Variants in PCDH15 observed in about 807,000 individuals in gnomAD.
PCDH15 encodes the protein protocadherin related 15.
Under a neutral mutation model 178.5 loss-of-function variants are expected in PCDH15, and 129 were observed. The observed-to-expected ratio is 0.72, with a 90% CI of 0.63 to 0.84. The LOEUF is 0.84. Ranked by LOEUF, PCDH15 falls within the 40% of genes least tolerant of loss-of-function variation. The probability of loss-of-function intolerance (pLI) is 0.00; values close to 1 mark genes in which losing one functional copy is unlikely to be tolerated. For synonymous variants in PCDH15, 800 were observed against 732.0 expected, an observed-to-expected ratio of 1.09 and a Z score of -1.50; for missense variants, 2,230 against 2,099.9, an observed-to-expected ratio of 1.06 and a Z score of -1.21.
At chr10:55,409,495 G>T (rs1234968768) in intron 2 of PCDH15, among the ~76,000 whole-genome samples, 3 of 151,750 alleles carry the variant, frequency 2.0e-5, no homozygotes, top group Non-Finnish European at 4.4e-5. Flanking sequence ...TACTTCAGTG[G>T]GCTTTTTTGT....
chr10:53,835,169 C>T (rs928385947), intron 29 of PCDH15, among the ~76,000 whole-genome samples: 2 of 152,028 alleles, frequency 1.3e-5, no homozygotes, highest in Non-Finnish European at 2.9e-5. Flanking sequence ...TTACTTAGAA[C>T]ATTGAAAGAG....
intron 1 of PCDH15, among the ~76,000 whole-genome samples, chr10:54,684,788 A>G (rs1314348392): frequency 2.1e-5 from 3 of 140,780 alleles, no homozygotes; most frequent in Admixed American, 1.4e-4. Context: ...TCCAGGTCAA[A>G]TCATTTGATA....
At position 55,238,336 on chromosome 10, in the gene PCDH15, G is replaced by C. The variant is rs1454396300; in HGVS notation, c.-155-71685C>G. Among the ~76,000 whole-genome samples the C allele has an allele frequency of 2.6e-5, 4 of 151,862 alleles. No homozygotes were observed. The East Asian group carries it at 7.8e-4, about 30-fold the overall frequency. On this transcript the variant is annotated intron_variant, in intron 1 of 5. Transcript: ENST00000458638. ...GGCTAATTTTCTTGTATTTTTAGTAGAGACGGGGTTTCACCATGTTAGCCA... is the reference window on the plus strand; with the variant it reads ...GGCTAATTTTCTTGTATTTTTAGTACAGACGGGGTTTCACCATGTTAGCCA...
chr10:55,089,319 T>C (rs1842257284), intron 2 of PCDH15, among the ~76,000 whole-genome samples: 2 of 152,176 alleles, frequency 1.3e-5, no homozygotes, highest in South Asian at 4.1e-4. Context: ...TCAACCCTTG[T>C]TATCATCTTG....
chr10:55,329,645 A>G (rs1272509626), intron 2 of PCDH15, among the ~76,000 whole-genome samples: 1 of 151,884 alleles, frequency 6.6e-6, no homozygotes, highest in African/African-American at 2.4e-5. Context: ...TTGTTTACCC[A>G]GTCTTATTAT....
At chr10:54,099,717 C>T (rs4935101) in intron 15 of PCDH15, among the ~76,000 whole-genome samples, 88,101 of 151,198 alleles carry the variant, frequency 0.58, 26,395 homozygotes, top group Middle Eastern at 0.67. Flanking sequence ...CCATTATAAA[C>T]AATATATGTA....
intron 2 of PCDH15, among the ~76,000 whole-genome samples, chr10:55,541,566 A>G (rs1311446996): frequency 6.6e-6 from 1 of 151,852 alleles, no homozygotes; most frequent in Non-Finnish European, 1.5e-5. Context: ...TTTAATTTAT[A>G]TTATTCTTTA....
chr10:54,132,148 T>G (rs905207438), intron 15 of PCDH15, among the ~76,000 whole-genome samples: 1 of 152,132 alleles, frequency 6.6e-6, no homozygotes, highest in African/African-American at 2.4e-5. Context: ...CGTCATCTTA[T>G]GATTCTTATG....
At chr10:54,570,429 T>A (rs1001039570) in intron 2 of PCDH15, among the ~76,000 whole-genome samples, 2 of 152,188 alleles carry the variant, frequency 1.3e-5, no homozygotes, top group Non-Finnish European at 2.9e-5. Context: ...ATTGAGAGAA[T>A]TGCTATGTTT....
intron 17 of PCDH15, among the ~76,000 whole-genome samples, chr10:54,071,786 TATC>T (rs1402359854): frequency 1.3e-5 from 2 of 152,134 alleles, no homozygotes; most frequent in African/African-American, 4.8e-5. Flanking sequence ...ATGGAGCACT[TATC>T]ATTTATCTAT....
chr10:54,108,218 A>G (rs916927879), intron 15 of PCDH15, among the ~76,000 whole-genome samples: 1 of 152,178 alleles, frequency 6.6e-6, no homozygotes. Flanking sequence ...TATCACTGAA[A>G]GAGTCACTGA....
At chr10:54,671,831 G>A (rs554521744) in intron 1 of PCDH15, among the ~76,000 whole-genome samples, 74 of 152,178 alleles carry the variant, frequency 4.9e-4, no homozygotes, top group Non-Finnish European at 1.0e-3. Context: ...TCAAATCCTC[G>A]TATAATACTA....
intron 3 of PCDH15, among the ~76,000 whole-genome samples, chr10:54,873,695 T>TTTA (rs1554809277): frequency 2.9e-5 from 4 of 138,920 alleles, no homozygotes; most frequent in African/African-American, 1.1e-4. Context: ...CTGCTGTATT[T>TTTA]TATATATATA....
chr10:55,138,350 A>G (rs566874951), intron 2 of PCDH15, among the ~76,000 whole-genome samples: 2 of 152,228 alleles, frequency 1.3e-5, no homozygotes, highest in African/African-American at 2.4e-5. Flanking sequence ...ATCATAAGCT[A>G]TATGTGTGAT....
chr10:55,126,828 T>A (rs994134609), intron 2 of PCDH15, among the ~76,000 whole-genome samples: 1 of 151,812 alleles, frequency 6.6e-6, no homozygotes, highest in Non-Finnish European at 1.5e-5. Flanking sequence ...CAACATGACA[T>A]CCCTCTAAGT....
intron 3 of PCDH15, among the ~76,000 whole-genome samples, chr10:54,455,788 G>A (rs750433554): frequency 6.6e-6 from 1 of 152,036 alleles, no homozygotes; most frequent in Non-Finnish European, 1.5e-5. Context: ...AAATGGTTTT[G>A]TGCCCCTCTT....
At chr10:53,899,638 T>C (rs985062126) in intron 26 of PCDH15, among the ~76,000 whole-genome samples, 8 of 152,200 alleles carry the variant, frequency 5.3e-5, no homozygotes, top group Non-Finnish European at 1.0e-4. Flanking sequence ...TAATATTGTA[T>C]AGCAATTGGT....
chr10:54,154,242 T>C (rs754437578), intron 13 of PCDH15, among the ~76,000 whole-genome samples: 1 of 152,136 alleles, frequency 6.6e-6, no homozygotes, highest in African/African-American at 2.4e-5. Context: ...GCATTTTACA[T>C]ACATCAATAG....
intron 3 of PCDH15, among the ~76,000 whole-genome samples, chr10:54,461,730 C>G (rs976292926): frequency 6.6e-5 from 10 of 151,992 alleles, no homozygotes; most frequent in Non-Finnish European, 1.5e-5. Context: ...AATGATAAAA[C>G]AGAACCTCCT....
Sources: gnomAD v4.1 joint callset for allele counts (sites outside exome capture counted in the v4.1 genomes callset) on GRCh38, gnomAD v4.1.1 for gene constraint, MANE v1.5 for transcripts, NCBI Gene and HGNC (gene_info 2026-07-23, HGNC 2026-07-21) for gene names.